Variants in NOMO3 observed in about 807,000 individuals in gnomAD.
NOMO3 encodes the protein NODAL modulator 3, also known as BOS complex subunit NOMO3.
NOMO3 carries 15 observed loss-of-function variants against 69.9 expected under a neutral mutation model. The observed-to-expected ratio is 0.21, with a 90% confidence interval of 0.14 to 0.33. The LOEUF (loss-of-function observed/expected upper bound fraction) is 0.33. NOMO3 is among the 10% of genes least tolerant of loss of function. The pLI is 1.00. For synonymous variants in NOMO3, 89 were observed against 301.9 expected (o/e 0.29, Z 7.31); for missense variants, 218 against 761.0 (o/e 0.29, Z 8.39).
chr16:16,236,034 A>C (rs1259079256), intron 1 of NOMO3: 1 of 254,826 alleles, frequency 3.9e-6, no homozygotes. Context: ...AGAGTTTTAG[A>C]GAGTCCTTGA....
chr16:16,255,164 C>A lies in NOMO3; in HGVS notation c.964-556C>A, dbSNP rs979349290. ...CTGACCTCAAGTGATCTGCCTGCCTCGGCCTCCCAAAGTGCTGGGATTACA... is the reference window on the plus strand; with the variant it reads ...CTGACCTCAAGTGATCTGCCTGCCTAGGCCTCCCAAAGTGCTGGGATTACA... On this transcript the variant is annotated intron_variant, in intron 9 of 30. Coordinates refer to ENST00000399336, the MANE Select transcript of NOMO3 (RefSeq NM_001004067.4). Among the ~76,000 whole-genome samples, 6 of 142,440 alleles carry A rather than the reference C, an allele frequency of 4.2e-5. 2 individuals carry two copies. The highest frequency in any genetic ancestry group is 1.2e-4 in the African/African-American group (4 of 34,208). The allele number at this position is 142,440 out of a possible 152,430, so 93.4% of individuals were successfully genotyped here.
Position 16,245,153 on chromosome 16 carries a change from CA to C in NOMO3, c.489del (p.Val164LeufsTer29), listed in dbSNP as rs1346663445. On this transcript the variant is annotated frameshift_variant, in exon 5 of 31. Coordinates refer to ENST00000399336, the MANE Select transcript of NOMO3 (RefSeq NM_001004067.4). LOFTEE classifies it high-confidence loss of function. ...NTGTEAKIQS[T>X]VTQPGGKFAF... ...GGGACCGAAGCAAAGATCCAGTCCA[CA>C]GTTACACAGCCTGGCGGAAAGTGAG... The C allele has an allele frequency of 8.0e-7, 1 of 1,245,670 alleles. No homozygotes were observed. Among genetic ancestry groups the C allele is most frequent in the Non-Finnish European group, 1.1e-6 (1 of 917,444 alleles). 77.2% of individuals were successfully genotyped at this position (1,245,670 alleles called of 1,614,324 possible).
intron 15 of NOMO3, chr16:16,266,526 A>G: frequency 6.6e-6 from 2 of 304,656 alleles, no homozygotes; most frequent in East Asian, 1.3e-4. Context: ...CTTTGCACAT[A>G]CTCTCCCCTC....
intron 16 of NOMO3, among the ~76,000 whole-genome samples, chr16:16,267,570 G>A (rs2049629899): frequency 7.1e-6 from 1 of 141,438 alleles, no homozygotes; most frequent in South Asian, 2.3e-4. Context: ...GAGTAGCTGG[G>A]ATTACAGGTG....
At chr16:16,245,220 G>A (rs1414240766) in intron 5 of NOMO3, 46 bp downstream of exon 5, 1 of 721,036 alleles carries the variant, frequency 1.4e-6, no homozygotes, top group Non-Finnish European at 2.2e-6. Flanking sequence ...GCCGGGCTCT[G>A]ACAGGGGTCA....
chr16:16,235,482 A>G (rs549606805), intron 1 of NOMO3, among the ~76,000 whole-genome samples: 2 of 148,740 alleles, frequency 1.3e-5, no homozygotes, highest in Non-Finnish European at 2.9e-5. Context: ...GAGATATTAA[A>G]TAGTGATACA....
chr16:16,254,927 C>CA (rs2049497486), intron 9 of NOMO3, among the ~76,000 whole-genome samples: 1 of 142,346 alleles, frequency 7.0e-6, no homozygotes, highest in South Asian at 2.2e-4. Flanking sequence ...AGGTGGATTT[C>CA]TTTTTTTTTC....
chr16:16,236,067 CT>C (rs2141245203), intron 1 of NOMO3: 1 of 168,720 alleles, frequency 5.9e-6, no homozygotes, highest in African/African-American at 2.8e-5. Context: ...TATTAAATGT[CT>C]TTTTAGTCTC....
intron 16 of NOMO3, among the ~76,000 whole-genome samples, chr16:16,269,174 G>A (rs1369719340): frequency 7.0e-6 from 1 of 143,184 alleles, no homozygotes; most frequent in Non-Finnish European, 1.5e-5. Context: ...TGGCCTCCAG[G>A]GCCACTTAGG....
intron 5 of NOMO3, among the ~76,000 whole-genome samples, chr16:16,246,676 C>G (rs2049419096): frequency 7.9e-6 from 1 of 126,554 alleles, no homozygotes; most frequent in South Asian, 2.6e-4. Flanking sequence ...CCGGACTTAG[C>G]CTTCTCATTT....
chr16:16,266,126 G>A (rs2049617307), intron 15 of NOMO3, among the ~76,000 whole-genome samples: 1 of 140,306 alleles, frequency 7.1e-6, no homozygotes, highest in South Asian at 2.2e-4. Context: ...AGATCCCTTC[G>A]TGAATTTTCT....
At chr16:16,265,604 T>C in intron 15 of NOMO3, among the ~76,000 whole-genome samples, 1 of 124,606 alleles carries the variant, frequency 8.0e-6, no homozygotes, top group Non-Finnish European at 1.6e-5. Flanking sequence ...GTCCTTGGTG[T>C]ACACCGCTCT....
chr16:16,235,675 C>A (rs2049320267), intron 1 of NOMO3, among the ~76,000 whole-genome samples: 1 of 144,906 alleles, frequency 6.9e-6, no homozygotes, highest in African/African-American at 2.8e-5. Context: ...TGCCATCATG[C>A]CTAGCTAATT....
intron 14 of NOMO3, among the ~76,000 whole-genome samples, chr16:16,264,708 T>G (rs1396922691): frequency 1.4e-5 from 2 of 139,046 alleles, no homozygotes; most frequent in Non-Finnish European, 1.5e-5. Context: ...CCACCATGCC[T>G]GGATAACTTT....
chr16:16,263,330 C>G, intron 13 of NOMO3, 115 bp downstream of exon 13: 1 of 1,583,118 alleles, frequency 6.3e-7, no homozygotes, highest in Non-Finnish European at 8.5e-7. Context: ...CACCTGCGTG[C>G]GAGGGAGGCT....
chr16:16,258,584 G>T (rs2049535520), intron 11 of NOMO3, among the ~76,000 whole-genome samples: 1 of 140,804 alleles, frequency 7.1e-6, no homozygotes, highest in Admixed American at 6.9e-5. Context: ...TCTGTTGGTT[G>T]GCCGGGCACG....
intron 9 of NOMO3, among the ~76,000 whole-genome samples, chr16:16,254,805 A>C (rs1460445989): frequency 6.9e-6 from 1 of 145,194 alleles, no homozygotes; most frequent in Non-Finnish European, 1.5e-5. Context: ...CAGTAACTGC[A>C]GAGAAAGCAC....
At chr16:16,241,449 G>A (rs1342546435) in intron 3 of NOMO3, among the ~76,000 whole-genome samples, 15 of 133,490 alleles carry the variant, frequency 1.1e-4, no homozygotes, top group African/African-American at 3.2e-4. Flanking sequence ...ACTGAGTCTC[G>A]CTCTGTTGCC....
rs773542782 is a variant in NOMO3 at position 16,263,135 on chromosome 16, T to C, written c.1457T>C (p.Leu486Pro). 1.3e-6 allele frequency: 2 copies of C among 1,591,550 alleles called. No homozygotes were observed. Among genetic ancestry groups the C allele is most frequent in the South Asian group, 2.2e-5 (2 of 89,362 alleles). ...GLTLKPQTFP[L>P]TVTDRPVMDV... Reference sequence around the variant, plus strand: ...ACGTTGAAACCCCAGACATTTCCTCTTACTGTGACCGACAGGCCTGTGATG... The same window carrying C: ...ACGTTGAAACCCCAGACATTTCCTCCTACTGTGACCGACAGGCCTGTGATG... Residue 486 changes from leucine (L) to proline (P), a missense_variant, in exon 13 of 31, where the codon CTT becomes CCT. Coordinates refer to ENST00000399336, the MANE Select transcript of NOMO3 (RefSeq NM_001004067.4).
Sources: allele counts gnomAD v4.1 joint callset (sites outside exome capture counted in the v4.1 genomes callset), GRCh38; gene constraint gnomAD v4.1.1; transcripts MANE v1.5; gene names NCBI Gene and HGNC (gene_info 2026-07-23, HGNC 2026-07-21).